Variants in CHRM3 observed in about 807,000 individuals in gnomAD.
CHRM3 encodes the protein cholinergic receptor muscarinic 3.
CHRM3 carries 11 observed loss-of-function variants against 41.8 expected under a neutral mutation model. That is an observed-to-expected ratio of 0.26 (90% confidence interval 0.17 to 0.44). CHRM3 has a LOEUF of 0.44. Ranked by LOEUF, CHRM3 falls within the 20% of genes least tolerant of loss-of-function variation. The pLI is 1.00. For missense variants in CHRM3, 571 were observed against 745.4 expected, an observed-to-expected ratio of 0.77 and a Z score of 2.72; for synonymous variants, 297 against 301.4, an observed-to-expected ratio of 0.99 and a Z score of 0.15.
rs1680404642 is a variant in CHRM3 at position 239,912,234 on chromosome 1, G to A, written c.*3010G>A. 1 of 166,858 alleles carries A rather than the reference G, an allele frequency of 6.0e-6. No homozygotes were observed. The highest frequency in any genetic ancestry group is 2.4e-5 in the African/African-American group (1 of 41,330). 10.3% of individuals were successfully genotyped at this position (166,858 alleles called of 1,614,324 possible). A position where few individuals can be genotyped will look rare whatever the true frequency, so the allele number is the denominator to read the frequency against. The stretch of plus-strand genomic sequence containing the variant: ...AATCTCCATTCTCCAGGCATTGCCA[G>A]ATGGTTAGGAGAAGTGAGCTCTCTC... On this transcript the variant is annotated 3_prime_UTR_variant, in exon 7 of 7. Coordinates refer to ENST00000676153, the MANE Select transcript of CHRM3 (RefSeq NM_001375978.1).
intron 5 of CHRM3, among the ~76,000 whole-genome samples, chr1:239,805,791 G>A (rs995585418): frequency 8.6e-5 from 13 of 152,006 alleles, no homozygotes; most frequent in Non-Finnish European, 1.8e-4. Flanking sequence ...AATGTTTTAC[G>A]AAGTATAAAA....
Position 239,864,456 on chromosome 1 carries a change from G to A in CHRM3, c.-20+37078G>A, listed in dbSNP as rs551863125. On this transcript the variant is annotated intron_variant, in intron 6 of 6. Coordinates refer to ENST00000676153, the MANE Select transcript of CHRM3 (RefSeq NM_001375978.1). The stretch of plus-strand genomic sequence containing the variant: ...TGGGAGGCGGAGGTTGCGGTGAGCC[G>A]AGATCGTGCCATTGCACTCCAGCCT... Among the ~76,000 whole-genome samples, 20 of 152,046 alleles carry A rather than the reference G, an allele frequency of 1.3e-4. No individual in the cohort carries two copies. In the South Asian group the frequency reaches 1.5e-3, roughly 11 times the overall value.
At chr1:239,506,230 A>C (rs1486569199) in intron 2 of CHRM3, among the ~76,000 whole-genome samples, 2 of 152,172 alleles carry the variant, frequency 1.3e-5, no homozygotes, top group Non-Finnish European at 2.9e-5. Context: ...ACAATGGGGA[A>C]AATGTCTCCA....
chr1:239,508,953 G>A (rs1668751472), intron 2 of CHRM3, among the ~76,000 whole-genome samples: 1 of 152,142 alleles, frequency 6.6e-6, no homozygotes, highest in Non-Finnish European at 1.5e-5. Flanking sequence ...GAAGAAGCAG[G>A]AATTTATTTA....
chr1:239,755,167 A>G (rs1362157356), intron 5 of CHRM3, among the ~76,000 whole-genome samples: 2 of 152,170 alleles, frequency 1.3e-5, no homozygotes, highest in African/African-American at 4.8e-5. Context: ...TAAAGATTCC[A>G]GAGGACTCCA....
At chr1:239,623,429 A>G (rs1418693350) in intron 3 of CHRM3, among the ~76,000 whole-genome samples, 3 of 151,362 alleles carry the variant, frequency 2.0e-5, no homozygotes, top group African/African-American at 7.3e-5. Flanking sequence ...ATGTCCCTAC[A>G]AAGGACATGA....
chr1:239,907,668 T>A lies in CHRM3; in HGVS notation c.217T>A (p.Phe73Ile). 6.2e-7 allele frequency: 1 copy of A among 1,614,166 alleles called. No individual in the cohort carries two copies. The highest frequency in any genetic ancestry group is 8.5e-7 in the Non-Finnish European group (1 of 1,180,030). ...HTVWQVVFIA[F>I]LTGILALVTI... ...CGTCTGGCAAGTGGTCTTCATCGCTTTCTTAACGGGCATCCTGGCCTTGGT... is the reference window on the plus strand; with the variant it reads ...CGTCTGGCAAGTGGTCTTCATCGCTATCTTAACGGGCATCCTGGCCTTGGT... Residue 73 changes from phenylalanine to isoleucine, a missense_variant, in exon 7 of 7, where the codon TTC (phenylalanine) becomes ATC (isoleucine). Physicochemically the swap from Phe to Ile is conservative, Grantham distance 21. Coordinates refer to ENST00000676153, the MANE Select transcript of CHRM3 (RefSeq NM_001375978.1). This position sits in a 1 kb window ranked among gnomAD's most constrained non-coding sequence, Gnocchi z 5.4.
At chr1:239,678,788 A>G (rs1234384956) in intron 5 of CHRM3, among the ~76,000 whole-genome samples, 2 of 152,236 alleles carry the variant, frequency 1.3e-5, no homozygotes, top group African/African-American at 4.8e-5. Flanking sequence ...CAATTAATTG[A>G]CTACTCAAAC....
At chr1:239,577,356 C>G (rs1158314585) in intron 3 of CHRM3, among the ~76,000 whole-genome samples, 1 of 151,746 alleles carries the variant, frequency 6.6e-6, no homozygotes, top group Non-Finnish European at 1.5e-5. Flanking sequence ...TGTTCAAATT[C>G]ATTTTGAAAA....
In CHRM3 at chr1:239,709,832, C is replaced by T. The variant is rs533018820; in HGVS notation, c.-147+31544C>T. ...AAATTCTCATTCTTGACAAAGCTAC[C>T]TTGTTTTATCTTTTCTTTAAACCTC... On this transcript the variant is annotated intron_variant, in intron 5 of 6. Transcript: ENST00000676153. Among the ~76,000 whole-genome samples the T allele has an allele frequency of 7.2e-4, 109 of 152,198 alleles. 1 individual carries two copies. The highest frequency in any genetic ancestry group is 2.3e-3 in the African/African-American group (95 of 41,546).
intron 3 of CHRM3, among the ~76,000 whole-genome samples, chr1:239,626,969 G>C (rs1410294759): frequency 1.0e-5 from 1 of 99,046 alleles, no homozygotes; most frequent in African/African-American, 3.9e-5. Flanking sequence ...TGAAAAAAAT[G>C]TATATTCTGT....
intron 5 of CHRM3, among the ~76,000 whole-genome samples, chr1:239,686,096 T>A (rs1202186879): frequency 6.6e-6 from 1 of 152,138 alleles, no homozygotes; most frequent in Non-Finnish European, 1.5e-5. Context: ...TCTTTAATAG[T>A]CTCCTTCATG....
chr1:239,635,041 C>T (rs1192989486), intron 4 of CHRM3, among the ~76,000 whole-genome samples: 4 of 152,172 alleles, frequency 2.6e-5, no homozygotes, highest in African/African-American at 9.7e-5. Flanking sequence ...TATTTCTGGC[C>T]ATTGAAACTA....
intron 3 of CHRM3, among the ~76,000 whole-genome samples, chr1:239,603,447 G>A (rs191991656): frequency 4.5e-4 from 69 of 152,234 alleles, no homozygotes; most frequent in African/African-American, 1.6e-3. Flanking sequence ...TAAAGTAAGT[G>A]CATGCTAATT....
intron 4 of CHRM3, among the ~76,000 whole-genome samples, chr1:239,665,879 G>A (rs932973380): frequency 2.0e-5 from 3 of 152,114 alleles, no homozygotes; most frequent in Non-Finnish European, 4.4e-5. Context: ...AGTATTACAC[G>A]GTGTATATGT....
At chr1:239,622,504 A>G (rs915534115) in intron 3 of CHRM3, among the ~76,000 whole-genome samples, 5 of 152,162 alleles carry the variant, frequency 3.3e-5, no homozygotes, top group African/African-American at 1.2e-4. Context: ...AGTTTGAAGA[A>G]GTAGATTTCA....
At chr1:239,622,850 G>T (rs1165486068) in intron 3 of CHRM3, among the ~76,000 whole-genome samples, 1 of 152,156 alleles carries the variant, frequency 6.6e-6, no homozygotes, top group African/African-American at 2.4e-5. Flanking sequence ...TGGACAAAAT[G>T]CTGTCAAACA....
intron 3 of CHRM3, among the ~76,000 whole-genome samples, chr1:239,587,091 C>T (rs1024312691): frequency 1.3e-5 from 2 of 152,174 alleles, no homozygotes; most frequent in Non-Finnish European, 2.9e-5. Context: ...TTGACTTCAG[C>T]GCTACCTCAC....
At chr1:239,508,571 C>G (rs911006875) in intron 2 of CHRM3, among the ~76,000 whole-genome samples, 10 of 152,196 alleles carry the variant, frequency 6.6e-5, no homozygotes, top group Non-Finnish European at 1.5e-5. Flanking sequence ...TCATGCAAGT[C>G]TAGCTTCTAC....
Sources: gnomAD v4.1 joint callset for allele counts (sites outside exome capture counted in the v4.1 genomes callset) on GRCh38, gnomAD v4.1.1 for gene constraint, Gnocchi (gnomAD v3.1) non-coding constraint, MANE v1.5 for transcripts, NCBI Gene and HGNC (gene_info 2026-07-23, HGNC 2026-07-21) for gene names.